KIFC3: variants seen among roughly 807,000 people sequenced by gnomAD.
KIFC3 encodes kinesin-like protein KIFC3.
KIFC3 carries 60 observed loss-of-function variants against 101.8 expected under a neutral mutation model. The observed-to-expected ratio is 0.59, with a 90% CI of 0.48 to 0.73. The LOEUF is 0.73. KIFC3 is among the 30% of genes least tolerant of loss of function. The pLI is 0.00. For missense variants in KIFC3, 966 were observed against 1,137.1 expected, an observed-to-expected ratio of 0.85 and a Z score of 2.16; for synonymous variants, 476 against 482.7, an observed-to-expected ratio of 0.99 and a Z score of 0.18.
intron 1 of KIFC3, among the ~76,000 whole-genome samples, chr16:57,855,954 A>C (rs2056156073): frequency 6.6e-6 from 1 of 151,608 alleles, no homozygotes; most frequent in Non-Finnish European, 1.5e-5. Context: ...TCAAAAAAAA[A>C]AAAAAACCAA....
At chr16:57,803,445 C>A, upstream of KIFC3, 3 of 478,962 alleles carry the variant, frequency 6.3e-6, no homozygotes, top group South Asian at 4.6e-5. Context: ...TGCAGGCTGA[C>A]GGTTCTGCAG....
chr16:57,778,999 G>T (rs188017406), intron 3 of KIFC3, among the ~76,000 whole-genome samples: 1 of 152,056 alleles, frequency 6.6e-6, no homozygotes, highest in Admixed American at 6.6e-5. Flanking sequence ...AAAATGGTGC[G>T]GCCACTATGG....
chr16:57,855,220 G>T (rs2056142114), intron 1 of KIFC3, among the ~76,000 whole-genome samples: 1 of 149,914 alleles, frequency 6.7e-6, no homozygotes, highest in Admixed American at 6.8e-5. Flanking sequence ...CGCCTCCCAG[G>T]TTCAAGTGAT....
At chr16:57,797,883 C>G (rs1263317670) in intron 2 of KIFC3, 189 bp downstream of exon 2, 24 of 1,468,604 alleles carry the variant, frequency 1.6e-5, no homozygotes, top group Non-Finnish European at 2.1e-5. Flanking sequence ...CAGACAGGGG[C>G]GCAGGGAAGG....
At chr16:57,837,542 A>AAAGG (rs1491274813) in intron 1 of KIFC3, among the ~76,000 whole-genome samples, 42 of 118,486 alleles carry the variant, frequency 3.5e-4, no homozygotes, top group South Asian at 5.9e-4. Context: ...AAAGAAAGAG[A>AAAGG]AAGGAAGGAA....
chr16:57,845,228 C>T (rs188649914), intron 1 of KIFC3, among the ~76,000 whole-genome samples: 6 of 152,184 alleles, frequency 3.9e-5, no homozygotes, highest in Admixed American at 2.6e-4. Context: ...CATGTTACAA[C>T]TCCTGCCGGC....
At chr16:57,760,057 AC>A (rs1411887350) in intron 17 of KIFC3, 6 of 621,518 alleles carry the variant, frequency 9.7e-6, no homozygotes, top group Non-Finnish European at 1.4e-5. Flanking sequence ...ACTATGTGCC[AC>A]CCCCACGGCC....
At chr16:57,856,239 G>C (rs1409248837) in intron 1 of KIFC3, among the ~76,000 whole-genome samples, 1 of 152,008 alleles carries the variant, frequency 6.6e-6, no homozygotes, top group African/African-American at 2.4e-5. Flanking sequence ...CCAGCACTTT[G>C]GGAAGCCAGA....
At chr16:57,777,629 G>A (rs868992776) in intron 3 of KIFC3, among the ~76,000 whole-genome samples, 1 of 152,098 alleles carries the variant, frequency 6.6e-6, no homozygotes, top group African/African-American at 2.4e-5. Context: ...GCTGAGGCAG[G>A]AGAATCGCTT....
chr16:57,784,117 T>C (rs782550697), intron 3 of KIFC3, among the ~76,000 whole-genome samples: 2 of 152,210 alleles, frequency 1.3e-5, no homozygotes, highest in African/African-American at 2.4e-5. Context: ...AAATGTCCGT[T>C]TTCCCCCAGG....
In KIFC3 at chr16:57,815,756, A is replaced by G; in HGVS notation, c.109-17474T>C. Reference sequence around the variant, plus strand: ...CCCAGCCATGGCTTGTCCCACGGCCAAGTTGCCTGGGTCCTTGGGATCACC... The same window carrying G: ...CCCAGCCATGGCTTGTCCCACGGCCGAGTTGCCTGGGTCCTTGGGATCACC... On this transcript the variant is annotated intron_variant, in intron 1 of 2. Coordinates refer to the KIFC3 transcript ENST00000563028. 7 of 899,050 alleles carry G rather than the reference A, an allele frequency of 7.8e-6. No homozygotes were observed. The South Asian group carries it at 1.0e-4, about 13-fold the overall frequency. The allele number at this position is 899,050 out of a possible 1,614,324, so 55.7% of individuals were successfully genotyped here.
chr16:57,770,861 T>TG (rs1171718916), intron 6 of KIFC3, among the ~76,000 whole-genome samples, 161 bp from the exon 7 acceptor site: 23 of 152,206 alleles, frequency 1.5e-4, no homozygotes, highest in African/African-American at 4.1e-4. Flanking sequence ...TCCAGAAAGC[T>TG]GGGGGGGTCT....
At chr16:57,844,216 A>G (rs1269770143) in intron 1 of KIFC3, among the ~76,000 whole-genome samples, 2 of 151,068 alleles carry the variant, frequency 1.3e-5, no homozygotes, top group African/African-American at 2.4e-5. Context: ...GAGGATCATG[A>G]GGTCGGAGTT....
intron 1 of KIFC3, among the ~76,000 whole-genome samples, chr16:57,860,021 C>CAAAAAAT (rs776066858): frequency 1.6e-5 from 1 of 64,160 alleles, no homozygotes; most frequent in East Asian, 4.5e-4. Context: ...GACTCTGTCT[C>CAAAAAAT]AAAAATAAAA....
At chr16:57,819,031 G>A (rs1310411538) in intron 1 of KIFC3, among the ~76,000 whole-genome samples, 2 of 152,130 alleles carry the variant, frequency 1.3e-5, no homozygotes, top group African/African-American at 4.8e-5. Flanking sequence ...GGTGTGGCAG[G>A]TGCTGTTCCT....
At chr16:57,762,102 G>T in intron 13 of KIFC3, 38 bp downstream of exon 13, 1 of 1,540,556 alleles carries the variant, frequency 6.5e-7, no homozygotes, top group Non-Finnish European at 8.8e-7. Flanking sequence ...CCCCAAAGCT[G>T]CCCCTGAGGC....
At chr16:57,842,472 ACT>A (rs1431845982) in intron 1 of KIFC3, among the ~76,000 whole-genome samples, 4 of 152,050 alleles carry the variant, frequency 2.6e-5, no homozygotes, top group Non-Finnish European at 4.4e-5. Context: ...TCACTCAAAA[ACT>A]CACATCCAAT....
rs2049423365 is a variant in KIFC3, at chr16:57,758,746, T to G, written c.*188A>C. 1.0e-6 allele frequency: 1 copy of G among 956,116 alleles called. No homozygotes were observed. The highest frequency in any genetic ancestry group is 1.7e-6 in the Non-Finnish European group (1 of 597,850). The allele number at this position is 956,116 out of a possible 1,614,324, so 59.2% of individuals were successfully genotyped here. ...ACAGCCGAGAGACACCGTTTCCTTC[T>G]GAACATGTTTCTCATCTTTGAGGGG... On this transcript the variant is annotated 3_prime_UTR_variant, in exon 20 of 20. Coordinates refer to ENST00000445690, the MANE Select transcript of KIFC3 (RefSeq NM_001130100.2).
upstream of KIFC3, chr16:57,807,796 G>A (rs1397715926): frequency 6.6e-6 from 1 of 152,118 alleles, no homozygotes; most frequent in African/African-American, 2.4e-5. Flanking sequence ...CAGGCGCGGT[G>A]GCACAGGCCT....
Sources: allele counts gnomAD v4.1 joint callset (sites outside exome capture counted in the v4.1 genomes callset), GRCh38; gene constraint gnomAD v4.1.1; transcripts MANE v1.5; gene names NCBI Gene and HGNC (gene_info 2026-07-23, HGNC 2026-07-21).